The following TMEM233 variants were observed in gnomAD, a reference collection of about 807,000 sequenced individuals.
TMEM233 encodes transmembrane protein 233, also known as dispanin subfamily B member 2.
Under a neutral mutation model 11.2 loss-of-function variants are expected in TMEM233, and 6 were observed. The ratio of observed to expected loss-of-function variants is 0.54; its 90% CI spans 0.29 to 1.06. The LOEUF is 1.06. Among genes scored for constraint, TMEM233 ranks in the 50% least tolerant of loss-of-function variants. The pLI, the probability that TMEM233 is intolerant of heterozygous loss-of-function variation, is 0.08. For missense variants in TMEM233, 127 were observed against 144.7 expected, an observed-to-expected ratio of 0.88 and a Z score of 0.63; for synonymous variants, 59 against 55.8, an observed-to-expected ratio of 1.06 and a Z score of -0.26.
chr12:119,605,459 A>C (rs1336468804), intron 1 of TMEM233, among the ~76,000 whole-genome samples: 3 of 114,378 alleles, frequency 2.6e-5, no homozygotes, highest in Non-Finnish European at 3.3e-5. Flanking sequence ...ACAGGGCCTC[A>C]CTCTGTTGCA....
intron 1 of TMEM233, among the ~76,000 whole-genome samples, chr12:119,596,304 C>T (rs1190158452): frequency 6.6e-6 from 1 of 152,072 alleles, no homozygotes; most frequent in African/African-American, 2.4e-5. Context: ...AGGCTTTTTC[C>T]CTCATTGGTC....
chr12:119,640,448 G>A (rs1217395828), intron 2 of TMEM233, among the ~76,000 whole-genome samples: 1 of 152,146 alleles, frequency 6.6e-6, no homozygotes, highest in Non-Finnish European at 1.5e-5. Context: ...GAGCCACCAT[G>A]CCTGGCCTGT....
chr12:119,625,518 C>T (rs147568752), intron 1 of TMEM233, among the ~76,000 whole-genome samples: 429 of 152,026 alleles, frequency 2.8e-3, no homozygotes, highest in African/African-American at 9.7e-3. Context: ...TACAGGTGTG[C>T]GCATACATAA....
intron 1 of TMEM233, among the ~76,000 whole-genome samples, chr12:119,614,523 A>T (rs1954482777): frequency 6.6e-6 from 1 of 152,174 alleles, no homozygotes; most frequent in Non-Finnish European, 1.5e-5. Flanking sequence ...CAGTAACCAA[A>T]TTTTTATTAA....
chr12:119,643,272 A>C (rs1338157129), downstream of TMEM233, among the ~76,000 whole-genome samples: 1 of 152,244 alleles, frequency 6.6e-6, no homozygotes, highest in East Asian at 1.9e-4. Context: ...TGTTGGTCCT[A>C]TTAAAGTAAA....
At chr12:119,634,487 C>T (rs1954938315) in intron 2 of TMEM233, among the ~76,000 whole-genome samples, 1 of 151,998 alleles carries the variant, frequency 6.6e-6, no homozygotes, top group African/African-American at 2.4e-5. Context: ...GTGGCGCATA[C>T]CTGTCATCCT....
At chr12:119,616,782 C>T (rs11064849) in intron 1 of TMEM233, among the ~76,000 whole-genome samples, 36,958 of 152,046 alleles carry the variant, frequency 0.24, 5,084 homozygotes, top group Middle Eastern at 0.34. Context: ...GCCAGTTTCT[C>T]CCATGCTGTT....
At chr12:119,603,644 T>C (rs1954210808) in intron 1 of TMEM233, among the ~76,000 whole-genome samples, 1 of 152,194 alleles carries the variant, frequency 6.6e-6, no homozygotes, top group Non-Finnish European at 1.5e-5. Flanking sequence ...TCTCTTTCAC[T>C]CAAGGTTGTG....
At chr12:119,632,150 C>T (rs906664272) in intron 2 of TMEM233, among the ~76,000 whole-genome samples, 10 of 152,190 alleles carry the variant, frequency 6.6e-5, no homozygotes, top group African/African-American at 2.4e-4. Flanking sequence ...TAACATAGAC[C>T]TTGACATATG....
chr12:119,607,775 C>T (rs1014505270), intron 1 of TMEM233, among the ~76,000 whole-genome samples: 3 of 151,858 alleles, frequency 2.0e-5, no homozygotes, highest in Non-Finnish European at 4.4e-5. Flanking sequence ...TCACCACACC[C>T]GACTAATCTT....
intron 1 of TMEM233, among the ~76,000 whole-genome samples, chr12:119,616,098 C>A (rs183250791): frequency 5.4e-4 from 82 of 152,332 alleles, no homozygotes; most frequent in Non-Finnish European, 8.1e-4. Context: ...TTAGCATTTA[C>A]TACAGGAGAG....
intron 1 of TMEM233, among the ~76,000 whole-genome samples, chr12:119,606,931 G>A (rs1010837747): frequency 6.6e-6 from 1 of 152,206 alleles, no homozygotes; most frequent in African/African-American, 2.4e-5. Context: ...TTAGGATAGT[G>A]CTTTTGAAGA....
intron 2 of TMEM233, among the ~76,000 whole-genome samples, 171 bp downstream of exon 2, chr12:119,630,043 G>A (rs1954848111): frequency 6.6e-6 from 1 of 152,222 alleles, no homozygotes; most frequent in African/African-American, 2.4e-5. Context: ...TATCAACAGT[G>A]TGGATCTTCT....
intron 1 of TMEM233, among the ~76,000 whole-genome samples, chr12:119,626,790 C>T (rs1954776604): frequency 6.6e-6 from 1 of 152,172 alleles, no homozygotes; most frequent in Non-Finnish European, 1.5e-5. Context: ...TCCTGCAGAC[C>T]TCAAAGATGC....
intron 1 of TMEM233, among the ~76,000 whole-genome samples, chr12:119,618,546 A>G (rs908252542): frequency 1.3e-5 from 2 of 152,372 alleles, no homozygotes; most frequent in Non-Finnish European, 2.9e-5. Context: ...GTCCAAGGCC[A>G]TGGGAACACA....
At chr12:119,618,884 T>C (rs186363792) in intron 1 of TMEM233, among the ~76,000 whole-genome samples, 1 of 152,232 alleles carries the variant, frequency 6.6e-6, no homozygotes, top group East Asian at 1.9e-4. Context: ...AAAGGCATGA[T>C]TTTGTCTTGA....
At chr12:119,638,012 C>T (rs1256292866) in intron 2 of TMEM233, among the ~76,000 whole-genome samples, 1 of 152,162 alleles carries the variant, frequency 6.6e-6, no homozygotes, top group African/African-American at 2.4e-5. Flanking sequence ...TTTGGAAAGT[C>T]AGTTTGGATG....
At chr12:119,613,675 C>T (rs1348215187) in intron 1 of TMEM233, among the ~76,000 whole-genome samples, 1 of 152,150 alleles carries the variant, frequency 6.6e-6, no homozygotes, top group African/African-American at 2.4e-5. Flanking sequence ...ATTAGTCGGG[C>T]ATGGTGGCAT....
chr12:119,627,576 C>G (rs931761962), intron 1 of TMEM233, among the ~76,000 whole-genome samples: 9 of 152,092 alleles, frequency 5.9e-5, no homozygotes, highest in African/African-American at 1.9e-4. Context: ...TTTAAACAAC[C>G]AGCTCACACA....
Sources: allele counts gnomAD v4.1 joint callset (sites outside exome capture counted in the v4.1 genomes callset), GRCh38; gene constraint gnomAD v4.1.1; transcripts MANE v1.5; gene names NCBI Gene and HGNC (gene_info 2026-07-23, HGNC 2026-07-21).